Variants in KIRREL3 observed in about 807,000 individuals in gnomAD.
The protein encoded by KIRREL3 is kin of IRRE-like protein 3.
A neutral mutation model predicts 89.7 loss-of-function variants in KIRREL3; 36 were observed. That is an observed-to-expected ratio of 0.40 (90% CI 0.31 to 0.53). The LOEUF (loss-of-function observed/expected upper bound fraction) is 0.53. KIRREL3 is among the 20% of genes least tolerant of loss of function. The pLI is 0.49. For missense variants in KIRREL3, 864 were observed against 1,056.6 expected (o/e 0.82, Z 2.53); for synonymous variants, 445 against 441.4 (o/e 1.01, Z -0.10).
At position 126,891,187 on chromosome 11, in the gene KIRREL3, G is replaced by A. The variant is rs537339223; in HGVS notation, c.55+109268C>T. ...GCCACAGTGGAAACATCTGAGAAGC[G>A]TCCCAAGATACTGCAAATTATAAAG... On this transcript the variant is annotated intron_variant, in intron 1 of 16. Transcript: ENST00000525144. This position sits in a 1 kb window ranked among gnomAD's most constrained non-coding sequence, Gnocchi z 5.1. Among the ~76,000 whole-genome samples the A allele has an allele frequency of 9.9e-5, 15 of 152,096 alleles. No homozygotes were observed. Among genetic ancestry groups the A allele is most frequent in the Non-Finnish European group, 1.9e-4 (13 of 68,020 alleles).
At position 126,870,740 on chromosome 11, in the gene KIRREL3, C is replaced by T. The variant is rs149853572; in HGVS notation, c.55+129715G>A. On this transcript the variant is annotated intron_variant, in intron 1 of 16. Transcript: ENST00000525144. The surrounding 1 kb of genome is among the most constrained non-coding windows in gnomAD (Gnocchi z 4.4). ...GAGTCCAAGAGGTCACGAGGCATAC[C>T]CAGCTCCTGCCATTACAGAGGAGGA... Among the ~76,000 whole-genome samples the T allele has an allele frequency of 6.6e-6, 1 of 152,208 alleles. No homozygotes were observed. The highest frequency in any genetic ancestry group is 1.5e-5 in the Non-Finnish European group (1 of 68,038).
At chr11:126,500,980 C>T (rs541873867) in intron 4 of KIRREL3, among the ~76,000 whole-genome samples, 1 of 152,306 alleles carries the variant, frequency 6.6e-6, no homozygotes, top group African/African-American at 2.4e-5. Context: ...CATCTGCATG[C>T]GGATCCCAAA....
rs375966705 is a variant in KIRREL3 at position 126,770,824 on chromosome 11, G to A, written c.56-207912C>T. 7.2e-5 allele frequency among the ~76,000 whole-genome samples: 11 copies of A among 152,246 alleles called. 1 individual carries two copies. The highest frequency in any genetic ancestry group is 2.6e-4 in the African/African-American group (11 of 41,538). On this transcript the variant is annotated intron_variant, in intron 1 of 16. Transcript: ENST00000525144. ...TTGAAGATGGAAGGGGCAGAAAGAG[G>A]AAGGAGCATTTACTTATTTATTTTC...
Position 126,568,720 on chromosome 11 carries a change from T to A in KIRREL3, c.56-5808A>T, listed in dbSNP as rs1020547458. ...TTCTAACGGTAAGACCCTCCTCACA[T>A]GATTCATATGAAAAGCAAATGAGCC... On this transcript the variant is annotated intron_variant, in intron 1 of 16. Coordinates refer to ENST00000525144, the MANE Select transcript of KIRREL3 (RefSeq NM_032531.4). The surrounding 1 kb of genome is among the most constrained non-coding windows in gnomAD (Gnocchi z 4.6). 6.6e-6 allele frequency among the ~76,000 whole-genome samples: 1 copy of A among 152,190 alleles called. No individual in the cohort carries two copies. Among genetic ancestry groups the A allele is most frequent in the Non-Finnish European group, 1.5e-5 (1 of 68,030 alleles).
rs1591510059 is a variant in KIRREL3, at chr11:126,424,494, CCT to C, written c.*84_*85del. The C allele has an allele frequency of 1.5e-6, 2 of 1,336,944 alleles. No individual in the cohort carries two copies. The highest frequency in any genetic ancestry group is 4.9e-5 in the East Asian group (2 of 40,776). 82.8% of individuals were successfully genotyped at this position (1,336,944 alleles called of 1,614,324 possible). On this transcript the variant is annotated 3_prime_UTR_variant, in exon 17 of 17. Transcript: ENST00000525144. The stretch of plus-strand genomic sequence containing the variant: ...TCCTGGAAGTGGCCAATTCTGGTGT[CCT>C]CTGCAAAGTACCCCTCGTCCCTGGA...
rs1051471567 is a variant in KIRREL3 at position 126,624,199 on chromosome 11, G to C, written c.56-61287C>G. ...AGAACTAGAATACAGGGAGCCAGGG[G>C]GTGGCGGTGTGGCGGGGAGGAGGCC... On this transcript the variant is annotated intron_variant, in intron 1 of 16. Transcript: ENST00000525144. This position sits in a 1 kb window ranked among gnomAD's most constrained non-coding sequence, Gnocchi z 6.0. 6.6e-6 allele frequency among the ~76,000 whole-genome samples: 1 copy of C among 152,148 alleles called. No individual in the cohort carries two copies. The highest frequency in any genetic ancestry group is 6.5e-5 in the Admixed American group (1 of 15,278).
intron 1 of KIRREL3, among the ~76,000 whole-genome samples, chr11:126,661,818 G>A (rs1224933271): frequency 6.6e-6 from 1 of 152,192 alleles, no homozygotes. Context: ...TCACCTAGGA[G>A]ATTTTACTTG....
rs1248365912 is a variant in KIRREL3, at chr11:126,918,945, ACAT to A, written c.55+81507_55+81509del. On this transcript the variant is annotated intron_variant, in intron 1 of 16. Transcript: ENST00000525144. This position sits in a 1 kb window ranked among gnomAD's most constrained non-coding sequence, Gnocchi z 6.5. ...TGATTTTATAACGTCATATGTTATA[ACAT>A]CATATGTTATAAGATATGTATTGTT... is the stretch of plus-strand genomic sequence containing the variant. 6.6e-6 allele frequency among the ~76,000 whole-genome samples: 1 copy of A among 150,544 alleles called. No individual in the cohort carries two copies. The highest frequency in any genetic ancestry group is 2.4e-5 in the African/African-American group (1 of 41,144).
intron 1 of KIRREL3, among the ~76,000 whole-genome samples, chr11:126,929,165 G>A (rs994647337): frequency 6.6e-6 from 1 of 152,178 alleles, no homozygotes; most frequent in Non-Finnish European, 1.5e-5. Context: ...GCACAAGAGA[G>A]CAAAACATCT....
chr11:126,806,792 C>A (rs1055352896), intron 1 of KIRREL3, among the ~76,000 whole-genome samples: 4 of 151,928 alleles, frequency 2.6e-5, no homozygotes, highest in Admixed American at 2.6e-4. Flanking sequence ...GGTTTTAAGC[C>A]CCACATGCAT....
intron 1 of KIRREL3, among the ~76,000 whole-genome samples, chr11:126,809,138 G>A (rs1267556836): frequency 1.3e-5 from 2 of 152,174 alleles, no homozygotes; most frequent in African/African-American, 4.8e-5. Context: ...CAACATGGAG[G>A]CTTTGGCTTC....
Position 126,898,807 on chromosome 11 carries a change from G to C in KIRREL3, c.55+101648C>G, listed in dbSNP as rs567196589. On this transcript the variant is annotated intron_variant, in intron 1 of 16. Transcript: ENST00000525144. This position sits in a 1 kb window ranked among gnomAD's most constrained non-coding sequence, Gnocchi z 4.9. Reference sequence around the variant, plus strand: ...TGATGTGTCATAAGCTGAGAAATATGACTAACTCAAGTCTTTGCAGCTTAT... The same window carrying C: ...TGATGTGTCATAAGCTGAGAAATATCACTAACTCAAGTCTTTGCAGCTTAT... 6.6e-6 allele frequency among the ~76,000 whole-genome samples: 1 copy of C among 152,206 alleles called. No individual in the cohort carries two copies. Among genetic ancestry groups the C allele is most frequent in the South Asian group, 2.1e-4 (1 of 4,816 alleles).
chr11:126,857,839 G>C (rs900906286), intron 1 of KIRREL3, among the ~76,000 whole-genome samples: 33 of 151,778 alleles, frequency 2.2e-4, no homozygotes, highest in African/African-American at 7.5e-4. Flanking sequence ...AATGGAAGGA[G>C]GACTGCAGGT....
In KIRREL3 at chr11:126,690,688, C is replaced by T. The variant is rs530444540; in HGVS notation, c.56-127776G>A. Among the ~76,000 whole-genome samples the T allele has an allele frequency of 3.3e-5, 5 of 152,306 alleles. 1 individual carries two copies. The highest frequency in any genetic ancestry group is 1.2e-4 in the African/African-American group (5 of 41,576). ...GGGAATGCAGGCTTCGCTGACTAAT[C>T]CCTGAACCAGCTAAGGACAAGGCCT... On this transcript the variant is annotated intron_variant, in intron 1 of 16. Coordinates refer to ENST00000525144, the MANE Select transcript of KIRREL3 (RefSeq NM_032531.4).
In KIRREL3 at chr11:126,459,614, G is replaced by A. The variant is rs891214419; in HGVS notation, c.743-3160C>T. 6.6e-6 allele frequency among the ~76,000 whole-genome samples: 1 copy of A among 152,190 alleles called. No homozygotes were observed. The highest frequency in any genetic ancestry group is 1.5e-5 in the Non-Finnish European group (1 of 68,044). On this transcript the variant is annotated intron_variant, in intron 6 of 16. Coordinates refer to ENST00000525144, the MANE Select transcript of KIRREL3 (RefSeq NM_032531.4). The surrounding 1 kb of genome is among the most constrained non-coding windows in gnomAD (Gnocchi z 4.8). ...GATTTTAATCTCACTTGTGATGTCG[G>A]CAGCATAACTTGCAGGAGGGCAGCT...
intron 1 of KIRREL3, among the ~76,000 whole-genome samples, chr11:126,732,597 G>A (rs1175727810): frequency 6.6e-6 from 1 of 152,238 alleles, no homozygotes; most frequent in Admixed American, 6.5e-5. Context: ...GAGACAGTGA[G>A]AGAGTGACTG....
rs985469393 is a variant in KIRREL3, at chr11:126,606,242, G to C, written c.56-43330C>G. Among the ~76,000 whole-genome samples the C allele has an allele frequency of 6.6e-6, 1 of 152,156 alleles. No homozygotes were observed. The highest frequency in any genetic ancestry group is 1.5e-5 in the Non-Finnish European group (1 of 68,030). On this transcript the variant is annotated intron_variant, in intron 1 of 16. Coordinates refer to ENST00000525144, the MANE Select transcript of KIRREL3 (RefSeq NM_032531.4). This position sits in a 1 kb window ranked among gnomAD's most constrained non-coding sequence, Gnocchi z 4.6. The stretch of plus-strand genomic sequence containing the variant: ...AATGTTAAAATATTATTTTTATGAA[G>C]GCACAGTTTAGTATGGTGTTTATGA...
intron 1 of KIRREL3, among the ~76,000 whole-genome samples, chr11:126,972,482 C>T (rs1949453979): frequency 1.3e-5 from 2 of 152,200 alleles, no homozygotes; most frequent in African/African-American, 2.4e-5. Context: ...GGCCCAGCCA[C>T]AGGACTTAGT....
chr11:126,442,943 A>G (rs546522087), intron 10 of KIRREL3, among the ~76,000 whole-genome samples: 69 of 152,336 alleles, frequency 4.5e-4, no homozygotes, highest in African/African-American at 1.4e-3. Context: ...AGAGACCTGG[A>G]GAGTGCAGAT....
Sources: gnomAD v4.1 joint callset for allele counts (sites outside exome capture counted in the v4.1 genomes callset) on GRCh38, gnomAD v4.1.1 for gene constraint, Gnocchi (gnomAD v3.1) non-coding constraint, MANE v1.5 for transcripts, NCBI Gene and HGNC (gene_info 2026-07-23, HGNC 2026-07-21) for gene names.